Variants in PLA2G4A observed in about 807,000 individuals in gnomAD.
The protein encoded by PLA2G4A is cytosolic phospholipase A2.
A neutral mutation model predicts 81.9 loss-of-function variants in PLA2G4A; 40 were observed. That is an observed-to-expected ratio of 0.49 (90% CI 0.38 to 0.64). The LOEUF is 0.64. Ranked by LOEUF, PLA2G4A falls within the 30% of genes least tolerant of loss-of-function variation. The pLI is 0.00. For missense variants in PLA2G4A, 715 were observed against 905.1 expected (o/e 0.79, Z 2.69); for synonymous variants, 302 against 296.9 (o/e 1.02, Z -0.18).
chr1:186,836,926 T>C (rs1189769404), intron 1 of PLA2G4A, among the ~76,000 whole-genome samples: 4 of 152,104 alleles, frequency 2.6e-5, no homozygotes, highest in Non-Finnish European at 4.4e-5. Context: ...AGGCATAGAA[T>C]TGAAGCACAG....
intron 10 of PLA2G4A, among the ~76,000 whole-genome samples, chr1:186,942,713 G>A (rs1656195328): frequency 6.6e-6 from 1 of 151,860 alleles, no homozygotes; most frequent in African/African-American, 2.4e-5. Context: ...ATAATATTTG[G>A]GTGAGTGGAT....
chr1:186,905,283 ACT>A (rs1309743734), intron 5 of PLA2G4A, among the ~76,000 whole-genome samples: 1 of 151,628 alleles, frequency 6.6e-6, no homozygotes, highest in Non-Finnish European at 1.5e-5. Context: ...TTATTAGAAA[ACT>A]CTACATAGAG....
chr1:186,860,112 G>A (rs1423429504), intron 2 of PLA2G4A, among the ~76,000 whole-genome samples: 1 of 152,200 alleles, frequency 6.6e-6, no homozygotes, highest in Non-Finnish European at 1.5e-5. Flanking sequence ...GAAAGCTAGT[G>A]TATTAGGGTT....
intron 1 of PLA2G4A, among the ~76,000 whole-genome samples, chr1:186,830,957 GCTTTCTTTCTTT>G (rs71104890): frequency 0.069 from 5,684 of 82,170 alleles, 150 homozygotes; most frequent in Admixed American, 0.11. Flanking sequence ...TTGCTTGCTT[GCTTTCTTTCTTT>G]CTTTCTTTCT....
chr1:186,899,709 G>T (rs1558415929), intron 5 of PLA2G4A, among the ~76,000 whole-genome samples: 1 of 152,152 alleles, frequency 6.6e-6, no homozygotes, highest in South Asian at 2.1e-4. Flanking sequence ...AACTGAGAGG[G>T]AACTTCTGGC....
intron 8 of PLA2G4A, among the ~76,000 whole-genome samples, chr1:186,933,476 C>T (rs1655825754): frequency 6.6e-6 from 1 of 151,960 alleles, no homozygotes. Flanking sequence ...AATACTTGTA[C>T]CCTGTAGGTT....
intron 3 of PLA2G4A, among the ~76,000 whole-genome samples, chr1:186,879,163 C>A (rs2102076532): frequency 6.6e-6 from 1 of 151,928 alleles, no homozygotes; most frequent in Middle Eastern, 3.4e-3. Context: ...TCACTCCTCA[C>A]TTAATATATC....
intron 1 of PLA2G4A, among the ~76,000 whole-genome samples, chr1:186,844,786 T>TA (rs555246615): frequency 1.3e-5 from 2 of 152,140 alleles, no homozygotes; most frequent in Non-Finnish European, 2.9e-5. Flanking sequence ...TAAAGTATAA[T>TA]AAAAAAAATT....
chr1:186,842,923 T>A (rs1652040913), intron 1 of PLA2G4A, among the ~76,000 whole-genome samples: 1 of 152,246 alleles, frequency 6.6e-6, no homozygotes, highest in Admixed American at 6.5e-5. Context: ...TATTGCTTAT[T>A]GTATAATTTC....
At chr1:186,887,638 G>C (rs1177154113) in intron 3 of PLA2G4A, among the ~76,000 whole-genome samples, 1 of 152,120 alleles carries the variant, frequency 6.6e-6, no homozygotes, top group Non-Finnish European at 1.5e-5. Context: ...ATGAGGCTGA[G>C]TTAGTGACTC....
At chr1:186,862,516 C>A (rs1652849908) in intron 2 of PLA2G4A, among the ~76,000 whole-genome samples, 1 of 151,958 alleles carries the variant, frequency 6.6e-6, no homozygotes, top group Admixed American at 6.6e-5. Context: ...CTGGCCTGAA[C>A]CTTTTATTTG....
At chr1:186,836,290 T>C (rs1012076566) in intron 1 of PLA2G4A, among the ~76,000 whole-genome samples, 1 of 150,946 alleles carries the variant, frequency 6.6e-6, no homozygotes, top group Non-Finnish European at 1.5e-5. Flanking sequence ...TTACATATAA[T>C]ATACCTTAAT....
chr1:186,863,527 A>G (rs1652893476), intron 2 of PLA2G4A, among the ~76,000 whole-genome samples: 1 of 152,132 alleles, frequency 6.6e-6, no homozygotes, highest in Non-Finnish European at 1.5e-5. Context: ...ATTTTGAAAT[A>G]TGCAGCATGT....
At chr1:186,957,042 C>T (rs879887009) in intron 14 of PLA2G4A, among the ~76,000 whole-genome samples, 8 of 152,008 alleles carry the variant, frequency 5.3e-5, no homozygotes, top group African/African-American at 1.9e-4. Flanking sequence ...ATCCCAGCTA[C>T]TCAGGAGGCT....
intron 7 of PLA2G4A, among the ~76,000 whole-genome samples, chr1:186,927,710 C>T (rs545430637): frequency 2.0e-4 from 30 of 152,204 alleles, no homozygotes; most frequent in African/African-American, 6.7e-4. Flanking sequence ...ATTAATTCTC[C>T]GAGTGCCACT....
rs144612374 is a variant in PLA2G4A, at chr1:186,928,527, G to A, written c.559-4236G>A. ...ATAGGCTCTCCTGGGTATGAAGCTC[G>A]CCAGCCCATTTTGCAGATTTGGACT... On this transcript the variant is annotated intron_variant, in intron 7 of 17. Transcript: ENST00000367466. Among the ~76,000 whole-genome samples, 312 of 152,214 alleles carry A rather than the reference G, an allele frequency of 2.0e-3. 1 individual carries two copies. Among genetic ancestry groups the A allele is most frequent in the South Asian group, 0.014 (69 of 4,818 alleles).
At chr1:186,976,980 A>G (rs1280028452) in intron 15 of PLA2G4A, among the ~76,000 whole-genome samples, 4 of 152,170 alleles carry the variant, frequency 2.6e-5, no homozygotes, top group African/African-American at 9.7e-5. Flanking sequence ...ACCATCATAC[A>G]ATTTGCCACG....
At chr1:186,956,784 G>A (rs1656770451) in intron 14 of PLA2G4A, among the ~76,000 whole-genome samples, 1 of 152,092 alleles carries the variant, frequency 6.6e-6, no homozygotes, top group African/African-American at 2.4e-5. Context: ...AAAGTGCTGG[G>A]ACTGCAGGTG....
chr1:186,848,697 C>T (rs1289082574), intron 1 of PLA2G4A, among the ~76,000 whole-genome samples: 1 of 151,636 alleles, frequency 6.6e-6, no homozygotes, highest in East Asian at 1.9e-4. Flanking sequence ...CTCTAGTTAT[C>T]TTGTAGTTCT....
Sources: allele counts gnomAD v4.1 joint callset (sites outside exome capture counted in the v4.1 genomes callset), GRCh38; gene constraint gnomAD v4.1.1; transcripts MANE v1.5; gene names NCBI Gene and HGNC (gene_info 2026-07-23, HGNC 2026-07-21).